The following GPC6 variants were observed in gnomAD, a reference collection of about 807,000 sequenced individuals.
The protein encoded by GPC6 is glypican 6.
A neutral mutation model predicts 55.2 loss-of-function variants in GPC6; 14 were observed. The ratio of observed to expected loss-of-function variants is 0.25; its 90% CI spans 0.17 to 0.40. The LOEUF is 0.40. GPC6 is among the 10% of genes least tolerant of loss of function. The pLI, the probability that GPC6 is intolerant of heterozygous loss-of-function variation, is 1.00. For synonymous variants in GPC6, 278 were observed against 259.6 expected (o/e 1.07, Z -0.68); for missense variants, 641 against 708.5 (o/e 0.90, Z 1.08).
intron 4 of GPC6, among the ~76,000 whole-genome samples, chr13:94,262,867 TA>T (rs1238284377): frequency 6.6e-6 from 1 of 152,176 alleles, no homozygotes; most frequent in Non-Finnish European, 1.5e-5. Flanking sequence ...TCTGTTTATG[TA>T]AAACAGAGAG....
chr13:93,620,319 A>C (rs921276152), intron 2 of GPC6, among the ~76,000 whole-genome samples: 1 of 152,188 alleles, frequency 6.6e-6, no homozygotes, highest in Non-Finnish European at 1.5e-5. Context: ...TAATTAACTG[A>C]AAATAATTCA....
intron 4 of GPC6, among the ~76,000 whole-genome samples, chr13:94,254,157 A>G (rs374136700): frequency 5.9e-5 from 9 of 152,138 alleles, no homozygotes; most frequent in African/African-American, 1.4e-4. Flanking sequence ...GTATCGAGTC[A>G]TATTCTTAAA....
At position 93,545,362 on chromosome 13, in the gene GPC6, T is replaced by C. The variant is rs1874726743; in HGVS notation, c.260T>C (p.Val87Ala). The change falls in exon 2 of 9, where the codon GTG becomes GCG. Residue 87 changes from valine (V) to alanine (A), a missense_variant. Transcript: ENST00000377047. ...QQSKLEFENLVEETSHFVRTT... is the reference protein window; with the variant it reads ...QQSKLEFENLAEETSHFVRTT... ...AGCAAACTCGAATTTGAAAACCTTG[T>C]GGAAGAGACAAGCCATTTTGTGCGC... 1.2e-6 allele frequency: 2 copies of C among 1,613,874 alleles called. No individual in the cohort carries two copies. The highest frequency in any genetic ancestry group is 1.7e-6 in the Non-Finnish European group (2 of 1,179,764).
chr13:93,482,081 G>A (rs1163393992), intron 1 of GPC6, among the ~76,000 whole-genome samples: 2 of 151,982 alleles, frequency 1.3e-5, no homozygotes, highest in African/African-American at 4.8e-5. Flanking sequence ...CTTTAATTTA[G>A]TTCAATAATA....
chr13:93,840,376 C>G (rs531461680), intron 3 of GPC6, among the ~76,000 whole-genome samples: 49 of 152,044 alleles, frequency 3.2e-4, no homozygotes, highest in African/African-American at 1.1e-3. Context: ...AAAATACAAC[C>G]CTGTTAGCTT....
intron 2 of GPC6, among the ~76,000 whole-genome samples, chr13:93,758,393 T>C (rs1884849104): frequency 6.6e-6 from 1 of 152,154 alleles, no homozygotes; most frequent in Non-Finnish European, 1.5e-5. Context: ...CTTTCTCCAA[T>C]TCAACTTCAG....
chr13:94,178,002 C>G (rs1414168184), intron 4 of GPC6, among the ~76,000 whole-genome samples: 1 of 148,254 alleles, frequency 6.7e-6, no homozygotes, highest in African/African-American at 2.5e-5. Context: ...AAGCATGTAT[C>G]ATTCTTTTTC....
intron 2 of GPC6, among the ~76,000 whole-genome samples, chr13:93,664,289 A>T (rs1467083295): frequency 6.6e-6 from 1 of 152,188 alleles, no homozygotes; most frequent in Non-Finnish European, 1.5e-5. Flanking sequence ...AATTTTCAAG[A>T]TCATGCTTTT....
chr13:94,069,893 G>C (rs752974738), intron 4 of GPC6, among the ~76,000 whole-genome samples: 3 of 152,064 alleles, frequency 2.0e-5, no homozygotes, highest in Non-Finnish European at 4.4e-5. Context: ...ACGTTTTTCT[G>C]TCTTCTTCTC....
At chr13:93,324,589 T>TACATAC (rs1342283646) in intron 1 of GPC6, among the ~76,000 whole-genome samples, 23 of 101,324 alleles carry the variant, frequency 2.3e-4, no homozygotes, top group African/African-American at 1.1e-3. Context: ...CATACATACA[T>TACATAC]ATATATATAT....
At chr13:94,006,295 A>T (rs1251704902) in intron 3 of GPC6, among the ~76,000 whole-genome samples, 1 of 152,190 alleles carries the variant, frequency 6.6e-6, no homozygotes, top group African/African-American at 2.4e-5. Flanking sequence ...AGGCAGACAG[A>T]TTCAGTTTGT....
chr13:93,996,861 T>A (rs1245217235), intron 3 of GPC6, among the ~76,000 whole-genome samples: 1 of 152,194 alleles, frequency 6.6e-6, no homozygotes, highest in Non-Finnish European at 1.5e-5. Context: ...ACATATAGAA[T>A]TGGGATTATA....
At chr13:94,214,170 G>A (rs1890163618) in intron 4 of GPC6, among the ~76,000 whole-genome samples, 1 of 152,070 alleles carries the variant, frequency 6.6e-6, no homozygotes, top group South Asian at 2.1e-4. Context: ...GTTACCTCAG[G>A]CATTATCCCT....
intron 4 of GPC6, among the ~76,000 whole-genome samples, chr13:94,040,368 G>A (rs1238973396): frequency 6.6e-6 from 1 of 151,686 alleles, no homozygotes; most frequent in Admixed American, 6.6e-5. Context: ...GTCCCCCAAG[G>A]AACAACACAA....
chr13:93,871,302 G>A (rs1353865445), intron 3 of GPC6, among the ~76,000 whole-genome samples: 3 of 151,948 alleles, frequency 2.0e-5, no homozygotes, highest in African/African-American at 7.2e-5. Context: ...AGGGTGTTGT[G>A]AGGATTAAAT....
At chr13:94,337,944 T>C (rs565041984) in intron 6 of GPC6, among the ~76,000 whole-genome samples, 2 of 152,252 alleles carry the variant, frequency 1.3e-5, no homozygotes, top group East Asian at 3.9e-4. Flanking sequence ...ACCTGAGGCA[T>C]TCCATGACCT....
At chr13:93,268,794 C>T (rs1027121490) in intron 1 of GPC6, among the ~76,000 whole-genome samples, 1 of 152,060 alleles carries the variant, frequency 6.6e-6, no homozygotes, top group South Asian at 2.1e-4. Flanking sequence ...CATTGCTCAA[C>T]CTTCCACTCC....
chr13:93,310,743 T>C (rs1360531638), intron 1 of GPC6, among the ~76,000 whole-genome samples: 1 of 152,212 alleles, frequency 6.6e-6, no homozygotes, highest in Non-Finnish European at 1.5e-5. Context: ...GCTACTTTGT[T>C]GCATTCTATA....
At chr13:93,353,854 G>C (rs145070252) in intron 1 of GPC6, among the ~76,000 whole-genome samples, 2,393 of 152,226 alleles carry the variant, frequency 0.016, 52 homozygotes, top group African/African-American at 0.052. Context: ...CACTTTCCCT[G>C]CTGTACTTTC....
Sources: gnomAD v4.1 joint callset for allele counts (sites outside exome capture counted in the v4.1 genomes callset) on GRCh38, gnomAD v4.1.1 for gene constraint, MANE v1.5 for transcripts, NCBI Gene and HGNC (gene_info 2026-07-23, HGNC 2026-07-21) for gene names.